The following UGT2A2 variants were observed in gnomAD, a reference collection of about 807,000 sequenced individuals.
UGT2A2 encodes UDP-glucuronosyltransferase 2A2.
UGT2A2 carries 60 observed loss-of-function variants against 50.7 expected under a neutral mutation model. The ratio of observed to expected loss-of-function variants is 1.18; its 90% CI spans 0.96 to 1.47. The LOEUF is 1.47. Ranked by LOEUF, UGT2A2 falls within the 40% of genes most tolerant of loss-of-function variation. UGT2A2 has a pLI of 0.00. For missense variants in UGT2A2, 762 were observed against 634.0 expected (o/e 1.20, Z -2.17); for synonymous variants, 242 against 214.6 (o/e 1.13, Z -1.11).
rs1376522752 is a variant in UGT2A2 at position 69,639,234 on chromosome 4, T to A, written c.407A>T (p.Asp136Val). The stretch of plus-strand genomic sequence containing the variant: ...CAACTTTGGGTTCTTTAGTACACCA[T>A]CACAGAGTTGTATGTTAATTTGAAA... ...TFFQINIQLC[D>V]GVLKNPKLMA... is the part of the protein sequence containing the mutation. Residue 136 changes from aspartate (D) to valine (V), a missense_variant, in exon 1 of 6, where the codon GAT (aspartate) becomes GTT (valine). Transcript: ENST00000604629. 1 of 1,613,730 alleles carries A rather than the reference T, an allele frequency of 6.2e-7. No individual in the cohort carries two copies. The highest frequency in any genetic ancestry group is 1.7e-5 in the Admixed American group (1 of 59,990).
intron 1 of UGT2A2, among the ~76,000 whole-genome samples, chr4:69,615,662 A>T (rs1720335187): frequency 6.6e-6 from 1 of 151,972 alleles, no homozygotes; most frequent in African/African-American, 2.4e-5. Flanking sequence ...CTATAATGAG[A>T]TATCATCTGA....
chr4:69,618,913 A>C (rs773547530), intron 1 of UGT2A2, among the ~76,000 whole-genome samples: 4 of 151,968 alleles, frequency 2.6e-5, no homozygotes, highest in Admixed American at 1.3e-4. Flanking sequence ...GGTTAGAAGA[A>C]ATTTTTTAAA....
chr4:69,626,786 GA>G (rs1258508393), intron 1 of UGT2A2, among the ~76,000 whole-genome samples: 3 of 151,690 alleles, frequency 2.0e-5, no homozygotes, highest in Non-Finnish European at 4.4e-5. Flanking sequence ...AAATATTAAT[GA>G]ATTTTATTTT....
chr4:69,633,879 G>A (rs538229923), intron 1 of UGT2A2, among the ~76,000 whole-genome samples: 2 of 152,190 alleles, frequency 1.3e-5, no homozygotes, highest in South Asian at 4.2e-4. Context: ...GGTTGCAAGG[G>A]TGGGGTTACT....
At chr4:69,594,983 A>G (rs1265208684) in intron 4 of UGT2A2, among the ~76,000 whole-genome samples, 179 bp downstream of exon 4, 1 of 152,208 alleles carries the variant, frequency 6.6e-6, no homozygotes, top group Non-Finnish European at 1.5e-5. Flanking sequence ...TCTTTTGTGA[A>G]CCAGAGGAAG....
Position 69,639,278 on chromosome 4 carries a change from T to A in UGT2A2, c.363A>T (p.Gly121=). 6.2e-7 allele frequency: 1 copy of A among 1,613,758 alleles called. No homozygotes were observed. The change falls in exon 1 of 6, where the codon GGA becomes GGT. Residue 121 remains glycine (G), a synonymous_variant. Transcript: ENST00000604629. ...LTIWAFYKEL[G]KLLDTFFQIN... ...TTTGAAAGAAAGTGTCTAGAAGTTT[T>A]CCTAGTTCTTTGTAGAAAGCCCATA...
At position 69,606,374 on chromosome 4, in the gene UGT2A2, G is replaced by A. The variant is rs545690208; in HGVS notation, c.743-6980C>T. On this transcript the variant is annotated intron_variant, in intron 1 of 5. Coordinates refer to ENST00000604629, the MANE Select transcript of UGT2A2 (RefSeq NM_001105677.2). ...AAAGGCCTTGAAAAAATTCAACAACGCTTCATGCTAAAAACTCTCAATAAA... is the reference window on the plus strand; with the variant it reads ...AAAGGCCTTGAAAAAATTCAACAACACTTCATGCTAAAAACTCTCAATAAA... Among the ~76,000 whole-genome samples, 17 of 135,894 alleles carry A rather than the reference G, an allele frequency of 1.3e-4. 4 individuals are homozygous for A. The highest frequency in any genetic ancestry group is 2.4e-4 in the South Asian group (1 of 4,124). The allele number at this position is 135,894 out of a possible 152,430, so 89.2% of individuals were successfully genotyped here.
intron 1 of UGT2A2, among the ~76,000 whole-genome samples, chr4:69,627,155 C>T (rs897688317): frequency 1.6e-4 from 25 of 151,788 alleles, no homozygotes; most frequent in Non-Finnish European, 3.4e-4. Context: ...TTTCTATTAT[C>T]TATTTCTAAA....
chr4:69,610,912 T>C (rs1025794599), intron 1 of UGT2A2, among the ~76,000 whole-genome samples: 1 of 152,182 alleles, frequency 6.6e-6, no homozygotes, highest in Non-Finnish European at 1.5e-5. Flanking sequence ...AATTAGCTAA[T>C]CTTTTTCATA....
At chr4:69,600,670 A>C (rs1252953351) in intron 1 of UGT2A2, among the ~76,000 whole-genome samples, 2 of 152,070 alleles carry the variant, frequency 1.3e-5, no homozygotes, top group Non-Finnish European at 2.9e-5. Context: ...CATAGGCTGT[A>C]CAGGAAGCAT....
At chr4:69,609,249 C>T (rs1719882644) in intron 1 of UGT2A2, among the ~76,000 whole-genome samples, 1 of 151,394 alleles carries the variant, frequency 6.6e-6, no homozygotes, top group African/African-American at 2.4e-5. Flanking sequence ...ACCTTATGAG[C>T]CCAAGAAATC....
chr4:69,597,319 G>A (rs1157688693), intron 2 of UGT2A2, among the ~76,000 whole-genome samples: 1 of 152,132 alleles, frequency 6.6e-6, no homozygotes, highest in Non-Finnish European at 1.5e-5. Context: ...AAGCTGCCAT[G>A]AGTGTGATGT....
chr4:69,588,774 T>C lies in UGT2A2; in HGVS notation c.*598A>G, dbSNP rs1718403544. On this transcript the variant is annotated 3_prime_UTR_variant, in exon 6 of 6. Coordinates refer to ENST00000604629, the MANE Select transcript of UGT2A2 (RefSeq NM_001105677.2). ...GCAAGTTATGCCGTGATTTTCTAGATATGCTTAATGAAAATTTTGTAGACA... is the reference window on the plus strand; with the variant it reads ...GCAAGTTATGCCGTGATTTTCTAGACATGCTTAATGAAAATTTTGTAGACA... 1 of 152,128 alleles carries C rather than the reference T, an allele frequency of 6.6e-6. No homozygotes were observed. Among genetic ancestry groups the C allele is most frequent in the Non-Finnish European group, 1.5e-5 (1 of 68,036 alleles). The allele number at this position is 152,128 out of a possible 1,614,324, so 9.4% of individuals were successfully genotyped here.
intron 1 of UGT2A2, among the ~76,000 whole-genome samples, chr4:69,608,656 G>A (rs1719833486): frequency 6.6e-6 from 1 of 151,888 alleles, no homozygotes; most frequent in Non-Finnish European, 1.5e-5. Context: ...CAAAGAAATG[G>A]ACTCAACTCT....
chr4:69,638,475 T>C (rs958949431), intron 1 of UGT2A2, among the ~76,000 whole-genome samples: 1 of 152,142 alleles, frequency 6.6e-6, no homozygotes, highest in East Asian at 1.9e-4. Flanking sequence ...CAGTTTTCTA[T>C]TGCCTGATTC....
chr4:69,629,088 T>C (rs1038788462), intron 1 of UGT2A2, among the ~76,000 whole-genome samples: 2 of 151,940 alleles, frequency 1.3e-5, no homozygotes, highest in Non-Finnish European at 1.5e-5. Context: ...CATAGCTTTT[T>C]TCAAACATTG....
Position 69,589,441 on chromosome 4 carries a change from C to G in UGT2A2, c.1542G>C (p.Leu514Phe). 1 of 1,613,784 alleles carries G rather than the reference C, an allele frequency of 6.2e-7. No homozygotes were observed. The highest frequency in any genetic ancestry group is 2.2e-5 in the East Asian group (1 of 44,886). ...AGGAAAACAAACAACATTGTATGACCAAAAATATAGCCGTTGTCACACAGA... is the reference window on the plus strand; with the variant it reads ...AGGAAAACAAACAACATTGTATGACGAAAAATATAGCCGTTGTCACACAGA... ...LLVCVTTAIF[L>F]VIQCCLFSCQ... Residue 514 changes from leucine to phenylalanine, a missense_variant, in exon 6 of 6, where the codon TTG becomes TTC. By Grantham distance (22) the Leu-to-Phe change is conservative. Transcript: ENST00000604629.
chr4:69,634,426 G>A (rs1315276363), intron 1 of UGT2A2, among the ~76,000 whole-genome samples: 1 of 152,012 alleles, frequency 6.6e-6, no homozygotes, highest in Non-Finnish European at 1.5e-5. Flanking sequence ...GTGGGGATAG[G>A]AAACGGAGAG....
chr4:69,588,667 G>T lies in UGT2A2; in HGVS notation c.*705C>A, dbSNP rs1406563357. 6.6e-6 allele frequency: 1 copy of T among 151,922 alleles called. No homozygotes were observed. Among genetic ancestry groups the T allele is most frequent in the Non-Finnish European group, 1.5e-5 (1 of 67,968 alleles). 9.4% of individuals were successfully genotyped at this position (151,922 alleles called of 1,614,324 possible). ...ATAGAACTTTCTCCTTGAAATAAAA[G>T]AGTCGATTGATTGATTTATTAAAGA... is the stretch of plus-strand genomic sequence containing the variant. On this transcript the variant is annotated 3_prime_UTR_variant, in exon 6 of 6. Coordinates refer to ENST00000604629, the MANE Select transcript of UGT2A2 (RefSeq NM_001105677.2).
Sources: allele counts gnomAD v4.1 joint callset (sites outside exome capture counted in the v4.1 genomes callset), GRCh38; gene constraint gnomAD v4.1.1; transcripts MANE v1.5; gene names NCBI Gene and HGNC (gene_info 2026-07-23, HGNC 2026-07-21).